Variants in PHF24 observed in about 807,000 individuals in gnomAD.
PHF24 encodes Galpha inhibitory interacting protein.
Under a neutral mutation model 42.6 loss-of-function variants are expected in PHF24, and 25 were observed. The observed-to-expected ratio is 0.59, with a 90% CI of 0.43 to 0.82. The LOEUF (loss-of-function observed/expected upper bound fraction) is 0.82, where lower values mean the gene tolerates loss of function less well. Ranked by LOEUF, PHF24 falls within the 40% of genes least tolerant of loss-of-function variation. The pLI is 0.00. For missense variants in PHF24, 470 were observed against 538.1 expected, an observed-to-expected ratio of 0.87 and a Z score of 1.25; for synonymous variants, 185 against 204.8, an observed-to-expected ratio of 0.90 and a Z score of 0.83.
the PHF24 span, among the ~76,000 whole-genome samples, chr9:34,740,178 T>G: frequency 6.6e-6 from 1 of 152,192 alleles, no homozygotes; most frequent in African/African-American, 2.4e-5. Context: ...CTTCACCCAG[T>G]GGATTCCGCA....
chr9:34,838,587 A>G, the PHF24 span: 8 of 784,734 alleles, frequency 1.0e-5, no homozygotes, highest in South Asian at 2.0e-5. Flanking sequence ...GCCTTGTCAT[A>G]TCCACCTCAC....
At chr9:34,887,556 A>G in the PHF24 span, among the ~76,000 whole-genome samples, 1 of 152,106 alleles carries the variant, frequency 6.6e-6, no homozygotes, top group South Asian at 2.1e-4. Context: ...CATCTGCATT[A>G]GCTGTAATTT....
At chr9:34,978,374 G>A (rs895393499) in exon 8 of PHF24, 3 of 501,180 alleles carry the variant, frequency 6.0e-6, no homozygotes, top group Admixed American at 6.5e-5. Context: ...GACGGGACCT[G>A]CCACCACACT....
chr9:34,782,119 C>G, the PHF24 span, among the ~76,000 whole-genome samples: 1 of 152,094 alleles, frequency 6.6e-6, no homozygotes, highest in Non-Finnish European at 1.5e-5. Context: ...ATGAAGTCCT[C>G]CAACTTGCAC....
the PHF24 span, among the ~76,000 whole-genome samples, chr9:34,891,243 T>C: frequency 6.6e-6 from 1 of 152,324 alleles, no homozygotes; most frequent in Non-Finnish European, 1.5e-5. Flanking sequence ...TATGTGTCAC[T>C]TCCAGGTCCA....
exon 8 of PHF24, chr9:34,982,071 C>T (rs966725338): frequency 6.6e-6 from 1 of 152,170 alleles, no homozygotes; most frequent in African/African-American, 2.4e-5. Flanking sequence ...CCCCAGTGAC[C>T]CAGAGCATGG....
chr9:34,851,115 A>T, the PHF24 span, among the ~76,000 whole-genome samples: 1 of 151,960 alleles, frequency 6.6e-6, no homozygotes, highest in Admixed American at 6.6e-5. Flanking sequence ...TAGGAGAACC[A>T]CTGCTCTCTT....
chr9:34,805,190 G>A, the PHF24 span, among the ~76,000 whole-genome samples: 26 of 152,248 alleles, frequency 1.7e-4, no homozygotes, highest in South Asian at 8.3e-4. Context: ...GTTTTTGTGT[G>A]GACATACATT....
chr9:34,677,389 G>GTTTTTTTTTTTTTTTTTTTTTTTTTTTT, the PHF24 span, among the ~76,000 whole-genome samples: 30 of 79,772 alleles, frequency 3.8e-4, 2 homozygotes, highest in Non-Finnish European at 6.1e-4. Context: ...TTTGTAAACT[G>GTTTTTTTTTTTTTTTTTTTTTTTTTTTT]TTTTTTTTTT....
chr9:34,831,492 A>G, the PHF24 span, among the ~76,000 whole-genome samples: 1 of 152,084 alleles, frequency 6.6e-6, no homozygotes, highest in Non-Finnish European at 1.5e-5. Context: ...TTTCCCAGAA[A>G]CTTCAGTGCT....
the PHF24 span, among the ~76,000 whole-genome samples, chr9:34,806,827 G>GT: frequency 6.6e-6 from 1 of 152,136 alleles, no homozygotes; most frequent in African/African-American, 2.4e-5. Flanking sequence ...TAATGGAATT[G>GT]TTTAAAATTC....
chr9:34,773,074 T>G, the PHF24 span, among the ~76,000 whole-genome samples: 1 of 149,108 alleles, frequency 6.7e-6, no homozygotes, highest in Admixed American at 6.8e-5. Context: ...CACCGCAACC[T>G]CCGCCTCGCG....
At chr9:34,740,213 GC>G in the PHF24 span, among the ~76,000 whole-genome samples, 1 of 152,252 alleles carries the variant, frequency 6.6e-6, no homozygotes. Context: ...GGAGCTGTCT[GC>G]CAGTCCCCGG....
At chr9:34,791,729 G>T in the PHF24 span, among the ~76,000 whole-genome samples, 1 of 152,188 alleles carries the variant, frequency 6.6e-6, no homozygotes, top group South Asian at 2.1e-4. Flanking sequence ...ATGTTTTTAG[G>T]GAAAGAGTGA....
chr9:34,768,904 G>C, the PHF24 span, among the ~76,000 whole-genome samples: 1 of 151,896 alleles, frequency 6.6e-6, no homozygotes, highest in East Asian at 1.9e-4. Context: ...GGGGGAGAGA[G>C]AGAGAGAGGG....
the PHF24 span, among the ~76,000 whole-genome samples, chr9:34,806,786 C>T: frequency 1.1e-4 from 17 of 152,166 alleles, no homozygotes; most frequent in South Asian, 8.3e-4. Context: ...AAAACTTATT[C>T]GTAAGTATTT....
At chr9:34,743,535 C>A in the PHF24 span, among the ~76,000 whole-genome samples, 4 of 152,244 alleles carry the variant, frequency 2.6e-5, no homozygotes, top group East Asian at 7.7e-4. Flanking sequence ...ATATGAGGAC[C>A]AATAATTGTT....
the PHF24 span, among the ~76,000 whole-genome samples, chr9:34,720,764 T>A: frequency 6.6e-6 from 1 of 152,160 alleles, no homozygotes; most frequent in Non-Finnish European, 1.5e-5. Context: ...TCTCCATGCA[T>A]TTAGAGCTTT....
chr9:34,932,416 T>C, the PHF24 span, among the ~76,000 whole-genome samples: 2 of 152,200 alleles, frequency 1.3e-5, no homozygotes, highest in African/African-American at 4.8e-5. Context: ...TTCTCTAGGA[T>C]CCTACTGTAT....
Sources: gnomAD v4.1 joint callset for allele counts (sites outside exome capture counted in the v4.1 genomes callset) on GRCh38, gnomAD v4.1.1 for gene constraint, MANE v1.5 for transcripts, NCBI Gene and HGNC (gene_info 2026-07-23, HGNC 2026-07-21) for gene names.